Variants in NCOA2 observed in about 807,000 individuals in gnomAD.
The protein encoded by NCOA2 is nuclear receptor coactivator 2.
A neutral mutation model predicts 145.1 loss-of-function variants in NCOA2; 21 were observed. That is an observed-to-expected ratio of 0.14 (90% CI 0.10 to 0.21). NCOA2 has a LOEUF of 0.21. Among genes scored for constraint, NCOA2 ranks in the 10% least tolerant of loss-of-function variants. NCOA2 has a pLI of 1.00. For missense variants in NCOA2, 1,472 were observed against 1,837.6 expected, an observed-to-expected ratio of 0.80 and a Z score of 3.64; for synonymous variants, 619 against 637.5, an observed-to-expected ratio of 0.97 and a Z score of 0.44.
rs140656392 is a variant in NCOA2, at chr8:70,207,631, A to G, written c.259+6272T>C. On this transcript the variant is annotated intron_variant, in intron 4 of 22. Coordinates refer to ENST00000452400, the MANE Select transcript of NCOA2 (RefSeq NM_006540.4). ...GTAATCCCAGCACTCTGGGAGGCCA[A>G]GGCGGGTGGATCACCTTAGGTTAGG... Among the ~76,000 whole-genome samples the G allele has an allele frequency of 4.3e-3, 657 of 152,298 alleles. 2 individuals are homozygous for G. The highest frequency in any genetic ancestry group is 7.1e-3 in the Non-Finnish European group (482 of 68,016).
intron 7 of NCOA2, among the ~76,000 whole-genome samples, chr8:70,165,033 G>C (rs1393346617): frequency 6.6e-6 from 1 of 152,132 alleles, no homozygotes. Context: ...ATGCTATACT[G>C]TGTTAACTTA....
At chr8:70,445,967 C>T in the NCOA2 span, among the ~76,000 whole-genome samples, 1 of 152,000 alleles carries the variant, frequency 6.6e-6, no homozygotes, top group Admixed American at 6.6e-5. Context: ...TGATTTTGTT[C>T]TTCCTGCCCT....
rs1019254218 is a variant in NCOA2, at chr8:70,313,034, A to C, written c.-76-16234T>G. Among the ~76,000 whole-genome samples, 3 of 152,222 alleles carry C rather than the reference A, an allele frequency of 2.0e-5. No homozygotes were observed. The East Asian group carries it at 5.8e-4, about 29-fold the overall frequency. ...GAGAAATAACATTTGAATCCATCTT[A>C]AACTATTACAGAGATCTGTATCTAA... is the stretch of plus-strand genomic sequence containing the variant. On this transcript the variant is annotated intron_variant, in intron 1 of 22. Coordinates refer to ENST00000452400, the MANE Select transcript of NCOA2 (RefSeq NM_006540.4).
At chr8:70,201,227 C>CA (rs2133543921) in intron 4 of NCOA2, among the ~76,000 whole-genome samples, 1 of 152,150 alleles carries the variant, frequency 6.6e-6, no homozygotes, top group Admixed American at 6.5e-5. Context: ...ATAAGTATTA[C>CA]AAGCAGAACT....
At chr8:70,137,961 C>T (rs1809931429) in intron 15 of NCOA2, 2 of 328,756 alleles carry the variant, frequency 6.1e-6, no homozygotes, top group Non-Finnish European at 1.1e-5. Context: ...TTATACCACA[C>T]ACTACCTCAA....
intron 4 of NCOA2, among the ~76,000 whole-genome samples, chr8:70,198,789 A>G (rs1488260550): frequency 6.6e-6 from 1 of 152,212 alleles, no homozygotes; most frequent in Non-Finnish European, 1.5e-5. Flanking sequence ...GTGGTTACAC[A>G]GACTGAGATA....
At chr8:70,307,664 A>G (rs78542819) in intron 1 of NCOA2, among the ~76,000 whole-genome samples, 49 of 152,290 alleles carry the variant, frequency 3.2e-4, no homozygotes, top group African/African-American at 1.2e-3. Context: ...CTTGAGAGGG[A>G]AAGTTTTCTA....
At chr8:70,346,201 C>G (rs181330381) in intron 1 of NCOA2, among the ~76,000 whole-genome samples, 18 of 152,176 alleles carry the variant, frequency 1.2e-4, no homozygotes, top group African/African-American at 3.6e-4. Context: ...AATAATTTCA[C>G]GTGTATCTCC....
intron 2 of NCOA2, among the ~76,000 whole-genome samples, chr8:70,264,760 T>C (rs1222897218): frequency 1.3e-5 from 2 of 152,050 alleles, no homozygotes; most frequent in East Asian, 3.9e-4. Flanking sequence ...GAAAAACTGA[T>C]AAATTGTATA....
intron 1 of NCOA2, among the ~76,000 whole-genome samples, chr8:70,370,846 A>G (rs1311487752): frequency 6.6e-6 from 1 of 152,162 alleles, no homozygotes; most frequent in Non-Finnish European, 1.5e-5. Flanking sequence ...ATTAGAGAAT[A>G]TTTACCAGGA....
chr8:70,213,715 G>A (rs1819292794), intron 4 of NCOA2, among the ~76,000 whole-genome samples, 188 bp downstream of exon 4: 1 of 152,090 alleles, frequency 6.6e-6, no homozygotes, highest in African/African-American at 2.4e-5. Flanking sequence ...GGGTATGGCT[G>A]AATTTTATAC....
chr8:70,160,682 G>GAGAGAGAGAGAGAGAGGGAGA lies in NCOA2; in HGVS notation c.977-1031_977-1030insTCTCCCTCTCTCTCTCTCTCT, dbSNP rs371258460. On this transcript the variant is annotated intron_variant, in intron 9 of 22. Coordinates refer to ENST00000452400, the MANE Select transcript of NCOA2 (RefSeq NM_006540.4). ...GACAGAGAGAGAGAGAGAGAGAGAG[G>GAGAGAGAGAGAGAGAGGGAGA]GAGAGAGAGAGAGAGAGAGACTGAC... Among the ~76,000 whole-genome samples, 7 of 58,302 alleles carry GAGAGAGAGAGAGAGAGGGAGA rather than the reference G, an allele frequency of 1.2e-4. No individual in the cohort carries two copies. The Admixed American group carries it at 1.4e-3, about 11-fold the overall frequency. 38.2% of individuals were successfully genotyped at this position (58,302 alleles called of 152,430 possible). A position where few individuals can be genotyped will look rare whatever the true frequency, so the allele number is the denominator to read the frequency against.
the NCOA2 span, among the ~76,000 whole-genome samples, chr8:70,434,085 A>C: frequency 6.6e-6 from 1 of 152,220 alleles, no homozygotes; most frequent in African/African-American, 2.4e-5. Context: ...ACTGGGTCTA[A>C]TGAATAAATA....
At chr8:70,242,170 C>T (rs1332989114) in intron 2 of NCOA2, among the ~76,000 whole-genome samples, 1 of 152,096 alleles carries the variant, frequency 6.6e-6, no homozygotes, top group Non-Finnish European at 1.5e-5. Context: ...AATCAATTTA[C>T]TATTGTAATT....
At chr8:70,376,847 C>A (rs1244249434) in intron 1 of NCOA2, among the ~76,000 whole-genome samples, 1 of 152,174 alleles carries the variant, frequency 6.6e-6, no homozygotes, top group Admixed American at 6.5e-5. Flanking sequence ...CCAGGGCGCT[C>A]AGGGCCGGCG....
At chr8:70,210,663 A>G (rs1462701924) in intron 4 of NCOA2, among the ~76,000 whole-genome samples, 1 of 152,160 alleles carries the variant, frequency 6.6e-6, no homozygotes, top group East Asian at 1.9e-4. Context: ...TTTATAAAGC[A>G]TATAAAAGTT....
upstream of NCOA2, among the ~76,000 whole-genome samples, chr8:70,406,442 AAAGG>A (rs1814782355): frequency 6.6e-6 from 1 of 152,220 alleles, no homozygotes; most frequent in Non-Finnish European, 1.5e-5. Flanking sequence ...ACAAATTAAG[AAAGG>A]AAGAAGAAGG....
chr8:70,389,505 C>T (rs1378161585), intron 1 of NCOA2, among the ~76,000 whole-genome samples: 1 of 152,104 alleles, frequency 6.6e-6, no homozygotes, highest in Non-Finnish European at 1.5e-5. Flanking sequence ...GTCTCGAACT[C>T]CCGACCTCAG....
intron 2 of NCOA2, among the ~76,000 whole-genome samples, chr8:70,237,667 G>C (rs1386838098): frequency 6.6e-6 from 1 of 152,040 alleles, no homozygotes; most frequent in African/African-American, 2.4e-5. Context: ...AAACCAGGGA[G>C]GCTGAGGTGA....
Sources: allele counts gnomAD v4.1 joint callset (sites outside exome capture counted in the v4.1 genomes callset), GRCh38; gene constraint gnomAD v4.1.1; transcripts MANE v1.5; gene names NCBI Gene and HGNC (gene_info 2026-07-23, HGNC 2026-07-21).